Variants in LDLRAD4 observed in about 807,000 individuals in gnomAD.
LDLRAD4 encodes the protein low density lipoprotein receptor class A domain containing 4, also known as low-density lipoprotein receptor class A domain-containing protein 4.
LDLRAD4 carries 5 observed loss-of-function variants against 17.0 expected under a neutral mutation model. The observed-to-expected ratio is 0.29, with a 90% CI of 0.15 to 0.62. The LOEUF (loss-of-function observed/expected upper bound fraction) is 0.62. Among genes scored for constraint, LDLRAD4 ranks in the 20% least tolerant of loss-of-function variants. The probability of loss-of-function intolerance (pLI) is 0.84; values close to 1 mark genes in which losing one functional copy is unlikely to be tolerated. For synonymous variants in LDLRAD4, 168 were observed against 171.8 expected (o/e 0.98, Z 0.17); for missense variants, 340 against 424.7 (o/e 0.80, Z 1.75).
chr18:13,552,000 T>C (rs57181699), intron 3 of LDLRAD4, among the ~76,000 whole-genome samples: 8,865 of 152,076 alleles, frequency 0.058, 589 homozygotes, highest in African/African-American at 0.16. Context: ...GTAGCTTTAA[T>C]AACCAGATAT....
At chr18:13,391,776 C>A (rs760908676) in intron 2 of LDLRAD4, among the ~76,000 whole-genome samples, 26 of 152,186 alleles carry the variant, frequency 1.7e-4, no homozygotes, top group Non-Finnish European at 2.5e-4. Flanking sequence ...TTGCAAATTT[C>A]TTCCTACAGA....
intron 3 of LDLRAD4, among the ~76,000 whole-genome samples, chr18:13,556,916 T>A (rs76465065): frequency 0.011 from 1,668 of 152,248 alleles, 37 homozygotes; most frequent in African/African-American, 0.039. Flanking sequence ...ATTAATGCTT[T>A]ATAAAGGGTG....
intron 1 of LDLRAD4, among the ~76,000 whole-genome samples, chr18:13,259,679 T>C (rs1255057974): frequency 6.6e-6 from 1 of 152,116 alleles, no homozygotes; most frequent in East Asian, 1.9e-4. Context: ...TTCTCCCCTA[T>C]AATCCATCCC....
At chr18:13,407,144 G>A (rs2087842671) in intron 2 of LDLRAD4, among the ~76,000 whole-genome samples, 1 of 151,966 alleles carries the variant, frequency 6.6e-6, no homozygotes, top group South Asian at 2.1e-4. Context: ...CGGGATATCA[G>A]CTTTCCCTAC....
At chr18:13,281,650 G>A (rs1489532493) in intron 1 of LDLRAD4, among the ~76,000 whole-genome samples, 1 of 152,180 alleles carries the variant, frequency 6.6e-6, no homozygotes, top group Non-Finnish European at 1.5e-5. Context: ...GGCCAGTGCT[G>A]GGATCCTGGG....
At chr18:13,457,500 A>G (rs1260409810) in intron 3 of LDLRAD4, among the ~76,000 whole-genome samples, 2 of 152,216 alleles carry the variant, frequency 1.3e-5, no homozygotes, top group Non-Finnish European at 2.9e-5. Context: ...GGAGGATCGT[A>G]TGAGCAACAG....
chr18:13,512,200 G>A (rs953565034), intron 3 of LDLRAD4, among the ~76,000 whole-genome samples: 1 of 152,130 alleles, frequency 6.6e-6, no homozygotes, highest in Non-Finnish European at 1.5e-5. Context: ...CCATATTTTA[G>A]CTATGCCATT....
At chr18:13,491,214 T>G (rs1271825027) in intron 3 of LDLRAD4, 1 of 152,238 alleles carries the variant, frequency 6.6e-6, no homozygotes, top group Non-Finnish European at 1.5e-5. Flanking sequence ...ATGATTTACT[T>G]TAAATGTCCA....
intron 3 of LDLRAD4, among the ~76,000 whole-genome samples, chr18:13,551,629 G>A (rs2094435880): frequency 6.6e-6 from 1 of 152,050 alleles, no homozygotes; most frequent in South Asian, 2.1e-4. Flanking sequence ...CCATGGTGGG[G>A]TAGGAGGGCG....
intron 3 of LDLRAD4, among the ~76,000 whole-genome samples, chr18:13,524,424 A>G (rs527742999): frequency 1.6e-4 from 24 of 152,318 alleles, no homozygotes; most frequent in African/African-American, 5.1e-4. Context: ...AGTAGATCAA[A>G]TATCTTCACC....
At chr18:13,247,846 G>A (rs2043032778) in intron 1 of LDLRAD4, among the ~76,000 whole-genome samples, 1 of 152,056 alleles carries the variant, frequency 6.6e-6, no homozygotes, top group Non-Finnish European at 1.5e-5. Context: ...GGGATTTGCT[G>A]GAGAACCCGC....
chr18:13,405,726 C>A lies in LDLRAD4; in HGVS notation c.40+17964C>A, dbSNP rs202094233. 4.6e-5 allele frequency among the ~76,000 whole-genome samples: 7 copies of A among 152,010 alleles called. No homozygotes were observed. In the East Asian group the frequency reaches 1.4e-3, roughly 29 times the overall value. On this transcript the variant is annotated intron_variant, in intron 2 of 5. Transcript: ENST00000359446. ...GTGCTGAGATTACTGCAGGCATGAGCCACCGTGCCGAGCCCCTATGCGAGC... is the reference window on the plus strand; with the variant it reads ...GTGCTGAGATTACTGCAGGCATGAGACACCGTGCCGAGCCCCTATGCGAGC...
chr18:13,275,572 C>T (rs531784945), upstream of LDLRAD4, among the ~76,000 whole-genome samples: 1 of 152,264 alleles, frequency 6.6e-6, no homozygotes, highest in South Asian at 2.1e-4. Flanking sequence ...AACAAGCTGA[C>T]TGTAGTCAAT....
intron 1 of LDLRAD4, among the ~76,000 whole-genome samples, chr18:13,314,440 G>A (rs911112920): frequency 6.6e-6 from 1 of 152,206 alleles, no homozygotes; most frequent in Non-Finnish European, 1.5e-5. Flanking sequence ...GCATGTACAG[G>A]CACACCTTGG....
chr18:13,422,691 C>CTT (rs1464627231), intron 2 of LDLRAD4, among the ~76,000 whole-genome samples: 2 of 152,182 alleles, frequency 1.3e-5, no homozygotes, highest in Non-Finnish European at 2.9e-5. Flanking sequence ...GAGTGAGACT[C>CTT]TGTCTCAAAA....
chr18:13,450,137 C>T (rs2091707334), intron 3 of LDLRAD4, among the ~76,000 whole-genome samples: 1 of 152,196 alleles, frequency 6.6e-6, no homozygotes, highest in African/African-American at 2.4e-5. Context: ...GCCAATCTGA[C>T]CTTAAAAGGC....
In LDLRAD4 at chr18:13,578,827, C is replaced by CTTTTTT. The variant is rs1003295658; in HGVS notation, c.182-42267_182-42262dup. Among the ~76,000 whole-genome samples, 613 of 65,700 alleles carry CTTTTTT rather than the reference C, an allele frequency of 9.3e-3. 152 individuals are homozygous for CTTTTTT. The highest frequency in any genetic ancestry group is 0.013 in the Non-Finnish European group (476 of 36,030). The allele number at this position is 65,700 out of a possible 152,430, so 43.1% of individuals were successfully genotyped here. A position where few individuals can be genotyped will look rare whatever the true frequency, so the allele number is the denominator to read the frequency against. On this transcript the variant is annotated intron_variant, in intron 3 of 5. Transcript: ENST00000359446. ...TGACCCATTTAAAAGTTGTCCGGGTCTTTTTTTTTTTTTTTTTTTTTTTTT... is the reference window on the plus strand; with the variant it reads ...TGACCCATTTAAAAGTTGTCCGGGTCTTTTTTTTTTTTTTTTTTTTTTTTTTTTTTT...
intron 1 of LDLRAD4, among the ~76,000 whole-genome samples, chr18:13,266,198 G>A (rs978215133): frequency 1.3e-5 from 2 of 152,120 alleles, no homozygotes; most frequent in Non-Finnish European, 2.9e-5. Context: ...AGGCTTTTTC[G>A]GGGCTTGTTT....
chr18:13,283,903 C>T (rs948240176), intron 1 of LDLRAD4, among the ~76,000 whole-genome samples: 9 of 152,180 alleles, frequency 5.9e-5, no homozygotes, highest in African/African-American at 2.2e-4. Flanking sequence ...AAAGGCACTT[C>T]TTACAGGGCG....
Sources: allele counts gnomAD v4.1 joint callset (sites outside exome capture counted in the v4.1 genomes callset), GRCh38; gene constraint gnomAD v4.1.1; transcripts MANE v1.5; gene names NCBI Gene and HGNC (gene_info 2026-07-23, HGNC 2026-07-21).